SSU72: variants seen among roughly 807,000 people sequenced by gnomAD.
SSU72 encodes the protein SSU72 homolog, RNA polymerase II CTD phosphatase.
A neutral mutation model predicts 22.7 loss-of-function variants in SSU72; 12 were observed. The ratio of observed to expected loss-of-function variants is 0.53; its 90% CI spans 0.34 to 0.86. The LOEUF (loss-of-function observed/expected upper bound fraction) is 0.86. Ranked by LOEUF, SSU72 falls within the 40% of genes least tolerant of loss-of-function variation. SSU72 has a pLI of 0.02. For synonymous variants in SSU72, 116 were observed against 98.3 expected (o/e 1.18, Z -1.06); for missense variants, 151 against 249.8 (o/e 0.60, Z 2.67).
Position 1,542,973 on chromosome 1 carries a change from G to A in SSU72, c.484-806C>T, listed in dbSNP as rs1013364132. Among the ~76,000 whole-genome samples, 2 of 152,186 alleles carry A rather than the reference G, an allele frequency of 1.3e-5. No individual in the cohort carries two copies. The highest frequency in any genetic ancestry group is 2.1e-4 in the South Asian group (1 of 4,828). ...CCCAGCGCCCGCCCGCCTGGCTCCC[G>A]GGCTTTCCAAACACACCATCTTCTT... is the stretch of plus-strand genomic sequence containing the variant. On this transcript the variant is annotated intron_variant, in intron 4 of 4. Coordinates refer to ENST00000291386, the MANE Select transcript of SSU72 (RefSeq NM_014188.3). This position sits in a 1 kb window ranked among gnomAD's most constrained non-coding sequence, Gnocchi z 4.4.
chr1:1,555,430 G>A (rs1029914674), intron 2 of SSU72, among the ~76,000 whole-genome samples: 1 of 152,126 alleles, frequency 6.6e-6, no homozygotes, highest in African/African-American at 2.4e-5. Context: ...GTGGCACCTC[G>A]GCCAAGAAAG....
chr1:1,574,414 C>G (rs1642781459), intron 1 of SSU72, 64 bp downstream of exon 1: 1 of 1,517,406 alleles, frequency 6.6e-7, no homozygotes, highest in African/African-American at 1.4e-5. Context: ...CCAGGGGGAA[C>G]CGGGGAGGAG....
rs964115949 is a variant in SSU72 at position 1,554,209 on chromosome 1, G to C, written c.225-9207C>G. 1.4e-5 allele frequency among the ~76,000 whole-genome samples: 2 copies of C among 143,700 alleles called. No individual in the cohort carries two copies. The highest frequency in any genetic ancestry group is 5.0e-5 in the African/African-American group (2 of 40,244). The allele number at this position is 143,700 out of a possible 152,430, so 94.3% of individuals were successfully genotyped here. On this transcript the variant is annotated intron_variant, in intron 2 of 4. Transcript: ENST00000291386. The surrounding 1 kb of genome is among the most constrained non-coding windows in gnomAD (Gnocchi z 4.1). Reference sequence around the variant, plus strand: ...ACGAAGCTGAGCACGAGGCGGATCCGGACCACTAAGGGGTCCCCACGAAGC... The same window carrying C: ...ACGAAGCTGAGCACGAGGCGGATCCCGACCACTAAGGGGTCCCCACGAAGC...
At chr1:1,550,407 A>G (rs1200163427) in intron 2 of SSU72, among the ~76,000 whole-genome samples, 1 of 152,200 alleles carries the variant, frequency 6.6e-6, no homozygotes, top group African/African-American at 2.4e-5. Context: ...TAATTCAGGC[A>G]ATTTTCAGCA....
intron 2 of SSU72, among the ~76,000 whole-genome samples, chr1:1,549,993 G>A (rs1266487081): frequency 6.8e-6 from 1 of 146,394 alleles, no homozygotes; most frequent in Non-Finnish European, 1.5e-5. Flanking sequence ...AAAAAAAGAT[G>A]GCAAAACCCC....
At chr1:1,553,914 G>C (rs1234479431) in intron 2 of SSU72, among the ~76,000 whole-genome samples, 2 of 152,158 alleles carry the variant, frequency 1.3e-5, no homozygotes, top group Non-Finnish European at 2.9e-5. Flanking sequence ...AAAAAACGGA[G>C]GATAAAGACC....
intron 2 of SSU72, among the ~76,000 whole-genome samples, chr1:1,549,214 C>CA (rs1439777391): frequency 6.6e-6 from 1 of 152,064 alleles, no homozygotes; most frequent in African/African-American, 2.4e-5. Context: ...CCTGCCTCTA[C>CA]AAAAAATAAA....
At chr1:1,564,730 A>G in intron 2 of SSU72, 43 bp downstream of exon 2, 1 of 1,614,226 alleles carries the variant, frequency 6.2e-7, no homozygotes, top group Non-Finnish European at 8.5e-7. Context: ...CCTTCCAGGG[A>G]GGACCACACG....
At chr1:1,561,811 C>T (rs998303772) in intron 2 of SSU72, 1 of 152,204 alleles carries the variant, frequency 6.6e-6, no homozygotes, top group African/African-American at 2.4e-5. Flanking sequence ...TGAAGGCACG[C>T]TCCTCCTAGA....
At chr1:1,561,692 A>AG (rs1457449208) in intron 2 of SSU72, 1 of 152,128 alleles carries the variant, frequency 6.6e-6, no homozygotes, top group Non-Finnish European at 1.5e-5. Context: ...ACTCCTCTCC[A>AG]GGCCAAGGGC....
In SSU72 at chr1:1,558,947, C is replaced by G. The variant is rs550830211; in HGVS notation, c.224+5826G>C. Among the ~76,000 whole-genome samples, 37 of 152,332 alleles carry G rather than the reference C, an allele frequency of 2.4e-4. 1 individual carries two copies. The highest frequency in any genetic ancestry group is 8.4e-4 in the African/African-American group (35 of 41,574). ...GCAAGCTTGGGATGGCTTAACCAGA[C>G]TCCTTTCAATCAAAAATGAAAAAAT... On this transcript the variant is annotated intron_variant, in intron 2 of 4. Coordinates refer to ENST00000291386, the MANE Select transcript of SSU72 (RefSeq NM_014188.3).
chr1:1,545,024 C>G (rs755453967), intron 2 of SSU72, 22 bp from the exon 3 acceptor site: 2 of 1,608,606 alleles, frequency 1.2e-6, no homozygotes, highest in Non-Finnish European at 8.5e-7. Context: ...AGTTAAGGAA[C>G]GTCAGAGAAA....
rs751450292 is a variant in SSU72, at chr1:1,564,779, T to C, written c.218A>G (p.Lys73Arg). The change falls in exon 2 of 5, where the codon AAA becomes AGA. Residue 73 changes from lysine (K) to arginine (R), a missense_variant. By Grantham distance (26) the Lys-to-Arg change is conservative. Coordinates refer to ENST00000291386, the MANE Select transcript of SSU72 (RefSeq NM_014188.3). Reference sequence around the variant, plus strand: ...GGGCAACCCGCTGGGATACAGTTCTTTGTCTTTCCTAAGAAGATCATTGTA... The same window carrying C: ...GGGCAACCCGCTGGGATACAGTTCTCTGTCTTTCCTAAGAAGATCATTGTA... ...QMYNDLLRKDKELYTQNGILH... is the reference protein window; with the variant it reads ...QMYNDLLRKDRELYTQNGILH... 8.7e-6 allele frequency: 14 copies of C among 1,614,080 alleles called. No individual in the cohort carries two copies. The highest frequency in any genetic ancestry group is 1.2e-5 in the Non-Finnish European group (14 of 1,180,048).
At chr1:1,567,899 C>G (rs1399835473) in intron 1 of SSU72, among the ~76,000 whole-genome samples, 2 of 108,560 alleles carry the variant, frequency 1.8e-5, no homozygotes, top group Non-Finnish European at 3.2e-5. Flanking sequence ...GGAAACAGAG[C>G]GATACTCTGT....
chr1:1,555,351 C>T (rs1377788233), intron 2 of SSU72, among the ~76,000 whole-genome samples: 5 of 152,232 alleles, frequency 3.3e-5, no homozygotes, highest in African/African-American at 4.8e-5. Flanking sequence ...CTCGCTCCAG[C>T]GAGGACAGAG....
rs542633158 is a variant in SSU72 at position 1,547,685 on chromosome 1, C to T, written c.225-2683G>A. Among the ~76,000 whole-genome samples, 235 of 152,370 alleles carry T rather than the reference C, an allele frequency of 1.5e-3. 1 individual carries two copies. Among genetic ancestry groups the T allele is most frequent in the Non-Finnish European group, 2.6e-4 (18 of 68,040 alleles). On this transcript the variant is annotated intron_variant, in intron 2 of 4. Coordinates refer to ENST00000291386, the MANE Select transcript of SSU72 (RefSeq NM_014188.3). ...CAGAGCAAGGCGAGAGGACAGGAGC[C>T]GCTGGCGGGTGAGGCGGGGCCTTCA...
intron 2 of SSU72, chr1:1,563,410 G>A (rs1205518962): frequency 6.6e-6 from 1 of 152,030 alleles, no homozygotes; most frequent in Non-Finnish European, 1.5e-5. Flanking sequence ...GCGGATGCCT[G>A]TAATCCCAGC....
At position 1,542,240 on chromosome 1, in the gene SSU72, A is replaced by T. The variant is rs192094978; in HGVS notation, c.484-73T>A. The T allele has an allele frequency of 2.4e-5, 35 of 1,430,002 alleles. No individual in the cohort carries two copies. In the East Asian group the frequency reaches 8.7e-4, roughly 36 times the overall value. The allele number at this position is 1,430,002 out of a possible 1,614,324, so 88.6% of individuals were successfully genotyped here. ...TGCTCCCCCTAACACCTGGATCGCC[A>T]GGGAAACGCCAGGCCTGAGCCAGCA... is the stretch of plus-strand genomic sequence containing the variant. On this transcript the variant is annotated intron_variant, in intron 4 of 4. Transcript: ENST00000291386. The surrounding 1 kb of genome is among the most constrained non-coding windows in gnomAD (Gnocchi z 4.4).
intron 2 of SSU72, among the ~76,000 whole-genome samples, chr1:1,553,571 C>G (rs1048058209): frequency 2.1e-5 from 3 of 146,304 alleles, no homozygotes; most frequent in Admixed American, 7.2e-5. Context: ...GTCAGGAGAT[C>G]GAGACCATCC....
Sources: allele counts gnomAD v4.1 joint callset (sites outside exome capture counted in the v4.1 genomes callset), GRCh38; gene constraint gnomAD v4.1.1; non-coding constraint Gnocchi (gnomAD v3.1); transcripts MANE v1.5; gene names NCBI Gene and HGNC (gene_info 2026-07-23, HGNC 2026-07-21).